The following TRPM7 variants were observed in gnomAD, a reference collection of about 807,000 sequenced individuals.
TRPM7 encodes transient receptor potential cation channel subfamily M member 7, also known as LTRPC ion channel family member 7.
A neutral mutation model predicts 229.7 loss-of-function variants in TRPM7; 134 were observed. That is an observed-to-expected ratio of 0.58 (90% CI 0.51 to 0.67). TRPM7 has a LOEUF of 0.67. Ranked by LOEUF, TRPM7 falls within the 30% of genes least tolerant of loss-of-function variation. The probability of loss-of-function intolerance (pLI) is 0.00; values close to 1 mark genes in which losing one functional copy is unlikely to be tolerated. For synonymous variants in TRPM7, 699 were observed against 715.2 expected, an observed-to-expected ratio of 0.98 and a Z score of 0.36; for missense variants, 1,901 against 2,210.0, an observed-to-expected ratio of 0.86 and a Z score of 2.80.
In TRPM7 at chr15:50,609,732, T is replaced by TAA; in HGVS notation, c.2437-10_2437-9dup. The TAA allele has an allele frequency of 4.3e-6, 6 of 1,380,830 alleles. No homozygotes were observed. Among genetic ancestry groups the TAA allele is most frequent in the South Asian group, 2.8e-5 (2 of 72,474 alleles). The allele number at this position is 1,380,830 out of a possible 1,614,324, so 85.5% of individuals were successfully genotyped here. On this transcript the variant is annotated splice_polypyrimidine_tract_variant and intron_variant, in intron 18 of 38. Transcript: ENST00000646667. ...TACTTCTTTAAACACTTCCTAAAAT[T>TAA]AAAAAAAAAAAAATTCTTTTGTACA...
At chr15:50,678,376 A>C (rs557264420) in intron 1 of TRPM7, among the ~76,000 whole-genome samples, 2 of 151,778 alleles carry the variant, frequency 1.3e-5, no homozygotes, top group African/African-American at 4.8e-5. Flanking sequence ...GGTGACACAG[A>C]CAATGACAAA....
intron 20 of TRPM7, among the ~76,000 whole-genome samples, chr15:50,605,413 T>C (rs78090579): frequency 0.029 from 4,403 of 152,296 alleles, 235 homozygotes; most frequent in African/African-American, 0.1. Flanking sequence ...AGACCTGGAT[T>C]GTAAAATACT....
chr15:50,637,448 G>GT lies in TRPM7; in HGVS notation c.805dup (p.Thr269AsnfsTer3). ...AGCATGAATTCTTTGCTGATTAATA[G>GT]TTTTTTCAAGTTCTCTTCTCAGTCT... On this transcript the variant is annotated frameshift_variant, in exon 7 of 39. Coordinates refer to ENST00000646667, the MANE Select transcript of TRPM7 (RefSeq NM_017672.6). LOFTEE classifies it high-confidence loss of function. 2 of 1,611,612 alleles carry GT rather than the reference G, an allele frequency of 1.2e-6. No homozygotes were observed. The highest frequency in any genetic ancestry group is 1.7e-6 in the Non-Finnish European group (2 of 1,179,518).
At chr15:50,661,335 G>T (rs1203460784) in intron 2 of TRPM7, among the ~76,000 whole-genome samples, 1 of 152,076 alleles carries the variant, frequency 6.6e-6, no homozygotes, top group Non-Finnish European at 1.5e-5. Context: ...TTTGCATATA[G>T]ACTGAATGTA....
chr15:50,679,528 ATATATATATATT>A (rs2062191955), intron 1 of TRPM7, among the ~76,000 whole-genome samples: 2 of 47,382 alleles, frequency 4.2e-5, no homozygotes, highest in African/African-American at 2.1e-4. Context: ...ATATATATAT[ATATATATATATT>A]TTTTTTTTTT....
At chr15:50,584,286 G>A (rs2054576094) in intron 28 of TRPM7, among the ~76,000 whole-genome samples, 2 of 152,146 alleles carry the variant, frequency 1.3e-5, no homozygotes. Flanking sequence ...AAGACTCTGG[G>A]CAAAATGTTT....
intron 12 of TRPM7, 85 bp downstream of exon 12, chr15:50,624,081 A>G: frequency 7.4e-7 from 1 of 1,357,604 alleles, no homozygotes; most frequent in Non-Finnish European, 1.0e-6. Context: ...TAAGGGTTTT[A>G]TCAATAGGAA....
chr15:50,676,603 C>T (rs894562256), intron 1 of TRPM7, among the ~76,000 whole-genome samples: 1 of 151,746 alleles, frequency 6.6e-6, no homozygotes, highest in Non-Finnish European at 1.5e-5. Flanking sequence ...CTTGAGGACA[C>T]TGAAGAGCAA....
rs772298210 is a variant in TRPM7, at chr15:50,612,670, G to A, written c.1930C>T (p.His644Tyr). Reference protein sequence around the residue: ...RQVMARFLWQHGEESMAKALV... With the variant: ...RQVMARFLWQYGEESMAKALV... ...GCTTTAGCCATTGATTCTTCACCATGTTGCCATAAAAAACGGGCCATGACC... is the reference window on the plus strand; with the variant it reads ...GCTTTAGCCATTGATTCTTCACCATATTGCCATAAAAAACGGGCCATGACC... Residue 644 changes from histidine (H) to tyrosine (Y), a missense_variant, in exon 16 of 39, where the codon CAT becomes TAT. Physicochemically the swap from His to Tyr is moderately conservative, Grantham distance 83. Transcript: ENST00000646667. 1.9e-6 allele frequency: 3 copies of A among 1,613,926 alleles called. No homozygotes were observed. The highest frequency in any genetic ancestry group is 2.2e-5 in the South Asian group (2 of 91,084).
chr15:50,600,297 C>T (rs1005521018), intron 21 of TRPM7, among the ~76,000 whole-genome samples: 13 of 151,944 alleles, frequency 8.6e-5, no homozygotes, highest in African/African-American at 2.4e-4. Flanking sequence ...CTTAGCCGGG[C>T]GTGGCGGCAC....
rs8035592 is a variant in TRPM7 at position 50,678,517 on chromosome 15, A to T, written c.3+8014T>A. Among the ~76,000 whole-genome samples the T allele has an allele frequency of 9.1e-3, 1,203 of 132,638 alleles. 6 individuals carry two copies. The highest frequency in any genetic ancestry group is 0.02 in the African/African-American group (701 of 35,846). The allele number at this position is 132,638 out of a possible 152,430, so 87.0% of individuals were successfully genotyped here. A position where few individuals can be genotyped will look rare whatever the true frequency, so the allele number is the denominator to read the frequency against. On this transcript the variant is annotated intron_variant, in intron 1 of 38. Transcript: ENST00000646667. ...CTAGTTCCATTCTTTAAAAAAAAAA[A>T]ATATATATATATATATATATATATA...
At chr15:50,591,498 T>TTA (rs2059491267) in intron 26 of TRPM7, among the ~76,000 whole-genome samples, 1 of 151,922 alleles carries the variant, frequency 6.6e-6, no homozygotes, top group Admixed American at 6.6e-5. Flanking sequence ...TTTTTTTTTT[T>TTA]TTTCATTTCA....
At chr15:50,632,279 C>T (rs1306583295) in intron 9 of TRPM7, among the ~76,000 whole-genome samples, 1 of 147,014 alleles carries the variant, frequency 6.8e-6, no homozygotes, top group Non-Finnish European at 1.5e-5. Context: ...AGCAATGGAG[C>T]GAGACTCTGT....
intron 10 of TRPM7, among the ~76,000 whole-genome samples, chr15:50,629,124 GAT>G (rs35007883): frequency 0.079 from 12,057 of 152,006 alleles, 599 homozygotes; most frequent in South Asian, 0.12. Context: ...CAAATAGGAT[GAT>G]ATTCTAGAAG....
chr15:50,574,150 CT>C, intron 36 of TRPM7, 123 bp downstream of exon 36: 1 of 768,716 alleles, frequency 1.3e-6, no homozygotes, highest in Non-Finnish European at 2.1e-6. Flanking sequence ...GATTAACTTG[CT>C]TTTTTATAGC....
chr15:50,587,598 T>C (rs1169645899), intron 27 of TRPM7, among the ~76,000 whole-genome samples: 1 of 152,144 alleles, frequency 6.6e-6, no homozygotes. Context: ...AGGTGAAATC[T>C]GTGGGAAAAC....
intron 1 of TRPM7, among the ~76,000 whole-genome samples, 181 bp downstream of exon 1, chr15:50,686,350 C>T (rs2062360052): frequency 6.6e-6 from 1 of 152,212 alleles, no homozygotes. Context: ...CCTGCTCCCG[C>T]CCCTCACCCC....
chr15:50,598,706 G>C (rs750443236), intron 22 of TRPM7, among the ~76,000 whole-genome samples: 1 of 152,194 alleles, frequency 6.6e-6, no homozygotes, highest in Non-Finnish European at 1.5e-5. Flanking sequence ...CCTCTAAAGA[G>C]AACCATCGAT....
At chr15:50,575,657 A>G (rs1403238689) in intron 33 of TRPM7, 67 bp downstream of exon 33, 10 of 1,363,252 alleles carry the variant, frequency 7.3e-6, no homozygotes, top group Non-Finnish European at 6.1e-6. Context: ...CCCACATTCT[A>G]TATTATAGCT....
Sources: gnomAD v4.1 joint callset for allele counts (sites outside exome capture counted in the v4.1 genomes callset) on GRCh38, gnomAD v4.1.1 for gene constraint, MANE v1.5 for transcripts, NCBI Gene and HGNC (gene_info 2026-07-23, HGNC 2026-07-21) for gene names.